Variants in IL17REL observed in about 807,000 individuals in gnomAD.
IL17REL encodes the protein interleukin-17 receptor E-like protein.
A neutral mutation model predicts 49.0 loss-of-function variants in IL17REL; 36 were observed. That is an observed-to-expected ratio of 0.73 (90% CI 0.56 to 0.97). The LOEUF (loss-of-function observed/expected upper bound fraction) is 0.97, where lower values mean the gene tolerates loss of function less well. IL17REL is among the 50% of genes least tolerant of loss of function. The pLI is 0.00. For missense variants in IL17REL, 470 were observed against 453.9 expected, an observed-to-expected ratio of 1.04 and a Z score of -0.32; for synonymous variants, 206 against 192.4, an observed-to-expected ratio of 1.07 and a Z score of -0.58.
downstream of IL17REL, among the ~76,000 whole-genome samples, chr22:49,993,149 TC>T (rs1433912050): frequency 6.6e-6 from 1 of 152,294 alleles, no homozygotes; most frequent in Admixed American, 6.5e-5. This position sits in a 1 kb window ranked among gnomAD's most constrained non-coding sequence, Gnocchi z 6.0. Flanking sequence ...CCAGACTTGG[TC>T]CCCCAGCTGC....
chr22:50,008,240 A>G (rs1416833257), intron 1 of IL17REL, among the ~76,000 whole-genome samples: 2 of 152,234 alleles, frequency 1.3e-5, no homozygotes, highest in Non-Finnish European at 2.9e-5. Flanking sequence ...GTCCTTTTAT[A>G]AATAGATACG....
exon 7 of IL17REL, chr22:49,999,344 C>G: frequency 6.2e-7 from 1 of 1,612,980 alleles, no homozygotes. Flanking sequence ...CGCAGACCAG[C>G]CCTGTGGGAG....
chr22:50,012,260 G>A (rs1241460788), upstream of IL17REL, among the ~76,000 whole-genome samples: 1 of 152,240 alleles, frequency 6.6e-6, no homozygotes, highest in Non-Finnish European at 1.5e-5. Flanking sequence ...CCCCGGATGG[G>A]CTTGCGGGCT....
chr22:50,007,791 G>C (rs1389843607), intron 1 of IL17REL, among the ~76,000 whole-genome samples: 1 of 152,142 alleles, frequency 6.6e-6, no homozygotes, highest in East Asian at 1.9e-4. Flanking sequence ...AGAGGTCCTT[G>C]AGGTGAAGAA....
At chr22:50,002,022 C>G (rs1458141504) in intron 1 of IL17REL, among the ~76,000 whole-genome samples, 2 of 152,212 alleles carry the variant, frequency 1.3e-5, no homozygotes, top group Admixed American at 6.5e-5. Flanking sequence ...ATGAGGGTAA[C>G]TGGGGGTGAA....
At chr22:49,993,515 C>T (rs117019417), downstream of IL17REL, among the ~76,000 whole-genome samples, 2,043 of 152,242 alleles carry the variant, frequency 0.013, 25 homozygotes, top group Middle Eastern at 0.024. The surrounding 1 kb of genome is among the most constrained non-coding windows in gnomAD (Gnocchi z 6.0). Flanking sequence ...GCGGCTGATC[C>T]GGCTCAGCAC....
chr22:50,000,335 T>A (rs1481758410), intron 4 of IL17REL, 95 bp from the exon 6 acceptor site: 2 of 688,904 alleles, frequency 2.9e-6, no homozygotes, highest in Non-Finnish European at 5.0e-6. Flanking sequence ...TGTGCCTCTG[T>A]CATGCGACCT....
exon 10 of IL17REL, chr22:49,997,700 G>C: frequency 6.2e-7 from 1 of 1,613,950 alleles, no homozygotes; most frequent in Non-Finnish European, 8.5e-7. Context: ...AAGCGACGCT[G>C]TTCGAAAGGG....
At chr22:49,999,183 G>T in intron 7 of IL17REL, 108 bp downstream of exon 9, 1 of 1,339,392 alleles carries the variant, frequency 7.5e-7, no homozygotes, top group South Asian at 1.2e-5. Flanking sequence ...CAGGGATTTA[G>T]GCTGGGCCTG....
At chr22:50,011,737 C>T (rs562944430), upstream of IL17REL, among the ~76,000 whole-genome samples, 1 of 152,284 alleles carries the variant, frequency 6.6e-6, no homozygotes, top group Admixed American at 6.5e-5. Flanking sequence ...TGAGCCTGCC[C>T]ATGGCACCCA....
upstream of IL17REL, among the ~76,000 whole-genome samples, chr22:50,011,650 C>G (rs1428753359): frequency 1.3e-5 from 2 of 152,088 alleles, no homozygotes; most frequent in Non-Finnish European, 1.5e-5. Context: ...CCTGAACCCG[C>G]CCATCTCCCC....
intron 1 of IL17REL, among the ~76,000 whole-genome samples, chr22:50,007,921 A>G (rs970082885): frequency 6.6e-6 from 1 of 151,584 alleles, no homozygotes; most frequent in Non-Finnish European, 1.5e-5. Context: ...TATCCTGCAA[A>G]TATCTGTATA....
At chr22:49,997,176 G>A in intron 11 of IL17REL, 102 bp from the exon 14 acceptor site, 1 of 1,402,714 alleles carries the variant, frequency 7.1e-7, no homozygotes, top group Non-Finnish European at 9.8e-7. Context: ...AGCAGGGCTG[G>A]CCTCCCATCC....
chr22:50,006,832 G>A (rs1303433026), intron 1 of IL17REL, among the ~76,000 whole-genome samples: 2 of 151,714 alleles, frequency 1.3e-5, no homozygotes, highest in East Asian at 3.9e-4. Flanking sequence ...GCACATGCCT[G>A]TAATCCCAGC....
intron 5 of IL17REL, 122 bp downstream of exon 7, chr22:49,999,706 G>GGGGGC (rs1317744115): frequency 9.3e-6 from 5 of 535,414 alleles, no homozygotes; most frequent in Non-Finnish European, 1.3e-5. Flanking sequence ...AGGCCTGGCC[G>GGGGGC]GGGGCGGGGC....
At chr22:50,000,837 C>T in exon 3 of IL17REL, 4 of 1,591,150 alleles carry the variant, frequency 2.5e-6, no homozygotes, top group Non-Finnish European at 2.6e-6. Flanking sequence ...AGGCTCATGG[C>T]ACAGGCCTCC....
chr22:50,000,366 G>C (rs947051452), intron 4 of IL17REL, 112 bp downstream of exon 5: 15 of 791,922 alleles, frequency 1.9e-5, no homozygotes, highest in Non-Finnish European at 2.8e-5. Context: ...CAGAGGTCTT[G>C]CGGGGATCTG....
rs529500971 is a variant in IL17REL at position 50,004,750 on chromosome 22, A to G, written c.-41-3519T>C. Among the ~76,000 whole-genome samples, 42 of 151,620 alleles carry G rather than the reference A, an allele frequency of 2.8e-4. No homozygotes were observed. The South Asian group carries it at 4.8e-3, about 17-fold the overall frequency. On this transcript the variant is annotated intron_variant, in intron 1 of 12. Coordinates refer to ENST00000341280, the Ensembl canonical transcript of IL17REL. ...GTGGTACACACCTGTAGTCCTAGCT[A>G]CTCGGGAGGCTGAGGTAGGAGAGGA...
At chr22:50,004,495 G>T (rs995357352) in intron 1 of IL17REL, among the ~76,000 whole-genome samples, 1 of 152,140 alleles carries the variant, frequency 6.6e-6, no homozygotes, top group Non-Finnish European at 1.5e-5. Context: ...CCTTCCCTTG[G>T]AGCATCATCC....
Sources: allele counts gnomAD v4.1 joint callset (sites outside exome capture counted in the v4.1 genomes callset), GRCh38; gene constraint gnomAD v4.1.1; non-coding constraint Gnocchi (gnomAD v3.1); transcripts MANE v1.5; gene names NCBI Gene and HGNC (gene_info 2026-07-23, HGNC 2026-07-21).